The following MYBBP1A variants were observed in gnomAD, a reference collection of about 807,000 sequenced individuals.
MYBBP1A encodes MYB binding protein 1a.
A neutral mutation model predicts 136.3 loss-of-function variants in MYBBP1A; 147 were observed. That is an observed-to-expected ratio of 1.08 (90% CI 0.94 to 1.24). MYBBP1A has a LOEUF of 1.24. Ranked by LOEUF, MYBBP1A falls within the 50% of genes most tolerant of loss-of-function variation. The pLI is 0.00. For synonymous variants in MYBBP1A, 947 were observed against 735.8 expected, an observed-to-expected ratio of 1.29 and a Z score of -4.65; for missense variants, 2,060 against 1,727.4, an observed-to-expected ratio of 1.19 and a Z score of -3.41.
At chr17:4,551,835 C>A (rs201366087) in intron 8 of MYBBP1A, 45 bp downstream of exon 8, 4 of 1,562,540 alleles carry the variant, frequency 2.6e-6, no homozygotes, top group Admixed American at 1.7e-5. Flanking sequence ...GAGAGCTCCA[C>A]GTCTAGCCTT....
At position 4,554,239 on chromosome 17, in the gene MYBBP1A, G is replaced by A; in HGVS notation, c.334C>T (p.Leu112=). The A allele has an allele frequency of 1.9e-6, 3 of 1,614,060 alleles. No homozygotes were observed. Among genetic ancestry groups the A allele is most frequent in the Non-Finnish European group, 2.5e-6 (3 of 1,180,014 alleles). The change falls in exon 3 of 26, where the codon CTG becomes TTG. Residue 112 remains leucine, a synonymous_variant. Coordinates refer to ENST00000254718, the MANE Select transcript of MYBBP1A (RefSeq NM_014520.4). ...SFEDLPLCSI[L]QQIQEKYDLH... ...TCATATTTTTCTTGTATCTGCTGCA[G>A]GATGCTGCACAAGGGGAGGTCTTCA... is the stretch of plus-strand genomic sequence containing the variant.
chr17:4,549,340 C>G lies in MYBBP1A; in HGVS notation c.1422G>C (p.Gln474His), dbSNP rs756225014. 1.9e-6 allele frequency: 3 copies of G among 1,611,546 alleles called. No homozygotes were observed. In the African/African-American group the frequency reaches 4.0e-5, roughly 22 times the overall value. Residue 474 changes from glutamine to histidine, a missense_variant, in exon 10 of 26, where the codon CAG (glutamine) becomes CAC (histidine). Transcript: ENST00000254718. ...HLEMEEALTE[Q>H]VARFCLFHSF... ...TCCAGCACAGCTCGCACCTGGCCAC[C>G]TGCTCAGTCAAGGCCTCCTCCATCT...
In MYBBP1A at chr17:4,548,327, G is replaced by C. The variant is rs776502335; in HGVS notation, c.1557-17C>G. ...TGCAACAGACTGGGCAAGGGATGGG[G>C]CTTGGGGTCAGCAGACCAGATGAGT... On this transcript the variant is annotated splice_polypyrimidine_tract_variant and intron_variant, in intron 11 of 25. Coordinates refer to ENST00000254718, the MANE Select transcript of MYBBP1A (RefSeq NM_014520.4). This position sits in a 1 kb window ranked among gnomAD's most constrained non-coding sequence, Gnocchi z 4.2. The C allele has an allele frequency of 6.2e-7, 1 of 1,610,458 alleles. No homozygotes were observed. The highest frequency in any genetic ancestry group is 8.5e-7 in the Non-Finnish European group (1 of 1,179,242).
At chr17:4,541,753 G>T (rs750785997) in intron 23 of MYBBP1A, 31 bp downstream of exon 23, 1 of 1,572,488 alleles carries the variant, frequency 6.4e-7, no homozygotes, top group South Asian at 1.1e-5. Context: ...GATTCTGAGG[G>T]GGTGGGGAAA....
At chr17:4,547,405 T>C (rs1398408190) in intron 13 of MYBBP1A, among the ~76,000 whole-genome samples, 1 of 152,176 alleles carries the variant, frequency 6.6e-6, no homozygotes, top group Non-Finnish European at 1.5e-5. Context: ...CTCATCCACA[T>C]GCTGGGCTCA....
chr17:4,545,011 A>ACCCCCCCCCCCCCCCCCCCCCCCCC lies in MYBBP1A; in HGVS notation c.2310+14_2310+15insGGGGGGGGGGGGGGGGGGGGGGGGG. 1 of 178,516 alleles carries ACCCCCCCCCCCCCCCCCCCCCCCCC rather than the reference A, an allele frequency of 5.6e-6. No individual in the cohort carries two copies. The highest frequency in any genetic ancestry group is 8.1e-5 in the South Asian group (1 of 12,410). 11.1% of individuals were successfully genotyped at this position (178,516 alleles called of 1,614,324 possible). On this transcript the variant is annotated intron_variant, in intron 17 of 25. Coordinates refer to ENST00000254718, the MANE Select transcript of MYBBP1A (RefSeq NM_014520.4). ...GCCCTCCCCGGCCGCCCCCCCCTCC[A>ACCCCCCCCCCCCCCCCCCCCCCCCC]CCTCCCCCACTCACCAGCGCCTTCC...
chr17:4,543,607 G>A (rs935675636), intron 19 of MYBBP1A, among the ~76,000 whole-genome samples: 1 of 152,160 alleles, frequency 6.6e-6, no homozygotes, highest in Non-Finnish European at 1.5e-5. Context: ...CACGCTGGCA[G>A]AACTATCTGA....
rs780106349 is a variant in MYBBP1A, at chr17:4,554,286, G to C, written c.295-8C>G. On this transcript the variant is annotated splice_region_variant and splice_polypyrimidine_tract_variant and intron_variant, in intron 2 of 25. Transcript: ENST00000254718. Reference sequence around the variant, plus strand: ...TTCAAAAGACTGTAACAGCTGCCAGGAGTTGTGTGGCAGGAGGAAGAGGGT... The same window carrying C: ...TTCAAAAGACTGTAACAGCTGCCAGCAGTTGTGTGGCAGGAGGAAGAGGGT... 1 of 1,613,394 alleles carries C rather than the reference G, an allele frequency of 6.2e-7. No homozygotes were observed. Among genetic ancestry groups the C allele is most frequent in the Non-Finnish European group, 8.5e-7 (1 of 1,179,462 alleles).
In MYBBP1A at chr17:4,542,452, G is replaced by T. The variant is rs145992148; in HGVS notation, c.3087+12C>A. On this transcript the variant is annotated intron_variant, in intron 22 of 25. Transcript: ENST00000254718. Reference sequence around the variant, plus strand: ...AGACAGGCCCTGGGCTGGGAGCTGGGAAGTCTCTCACCTGATGACGGGGCC... The same window carrying T: ...AGACAGGCCCTGGGCTGGGAGCTGGTAAGTCTCTCACCTGATGACGGGGCC... 9.6e-5 allele frequency: 154 copies of T among 1,600,868 alleles called. No individual in the cohort carries two copies. In the African/African-American group the frequency reaches 1.9e-3, roughly 20 times the overall value.
At position 4,541,732 on chromosome 17, in the gene MYBBP1A, C is replaced by A. The variant is rs150365228; in HGVS notation, c.3195+52G>T. 1,090 of 1,540,270 alleles carry A rather than the reference C, an allele frequency of 7.1e-4. 6 individuals carry two copies. The African/African-American group carries it at 0.012, about 17-fold the overall frequency. On this transcript the variant is annotated intron_variant, in intron 23 of 25. Transcript: ENST00000254718. ...TCACTTCTTTCCCAGAGATCGGTCTCCCGGAGAACTGATTCTGAGGGGGTG... is the reference window on the plus strand; with the variant it reads ...TCACTTCTTTCCCAGAGATCGGTCTACCGGAGAACTGATTCTGAGGGGGTG...
Position 4,542,668 on chromosome 17 carries a change from C to A in MYBBP1A, c.2966G>T (p.Arg989Leu). Reference protein sequence around the residue: ...STALSSFLTKRNSPLTVPMFL... With the variant: ...STALSSFLTKLNSPLTVPMFL... ...CATGGGAACTGTGAGGGGGCTGTTG[C>A]GCTTGGTCAGGAAGGAGCTCAGTGC... Residue 989 changes from arginine to leucine, a missense_variant, in exon 21 of 26, where the codon CGC (arginine) becomes CTC (leucine). Coordinates refer to ENST00000254718, the MANE Select transcript of MYBBP1A (RefSeq NM_014520.4). 1.2e-6 allele frequency: 2 copies of A among 1,614,040 alleles called. No homozygotes were observed. The highest frequency in any genetic ancestry group is 2.2e-5 in the South Asian group (2 of 91,080).
At position 4,548,422 on chromosome 17, in the gene MYBBP1A, C is replaced by G. The variant is rs1010019147; in HGVS notation, c.1556+102G>C. ...GCCTCTCCAGGACCTACTAGAACTC[C>G]GGGGGCCTCTGCCGTTGTTCCCAGC... On this transcript the variant is annotated intron_variant, in intron 11 of 25. Transcript: ENST00000254718. The surrounding 1 kb of genome is among the most constrained non-coding windows in gnomAD (Gnocchi z 4.2). 2 of 1,605,970 alleles carry G rather than the reference C, an allele frequency of 1.2e-6. No individual in the cohort carries two copies. The highest frequency in any genetic ancestry group is 3.3e-5 in the Admixed American group (2 of 60,000).
chr17:4,554,299 G>A (rs1266335894), intron 2 of MYBBP1A, 21 bp from the exon 3 acceptor site: 2 of 1,609,746 alleles, frequency 1.2e-6, no homozygotes, highest in East Asian at 2.2e-5. Flanking sequence ...TTGTGTGGCA[G>A]GAGGAAGAGG....
At position 4,550,123 on chromosome 17, in the gene MYBBP1A, G is replaced by T. The variant is rs534032400; in HGVS notation, c.1254C>A (p.Asp418Glu). The change falls in exon 9 of 26, where the codon GAC becomes GAA. Residue 418 changes from aspartate (D) to glutamate (E), a missense_variant. Asp to Glu is a conservative substitution (Grantham distance 45). Coordinates refer to ENST00000254718, the MANE Select transcript of MYBBP1A (RefSeq NM_014520.4). ...AWLRAMFLQP[D>E]LDSLVDFSTN... ...TGCTGAAGTCAACCAAGGAGTCCAGGTCTGGCTGGAGAAACATGGCCCGCA... is the reference window on the plus strand; with the variant it reads ...TGCTGAAGTCAACCAAGGAGTCCAGTTCTGGCTGGAGAAACATGGCCCGCA... 6.2e-7 allele frequency: 1 copy of T among 1,614,068 alleles called. No individual in the cohort carries two copies. The highest frequency in any genetic ancestry group is 1.1e-5 in the South Asian group (1 of 91,088).
intron 13 of MYBBP1A, 103 bp from the exon 14 acceptor site, chr17:4,546,045 C>T (rs1906987561): frequency 5.6e-6 from 6 of 1,077,910 alleles, no homozygotes; most frequent in South Asian, 1.4e-5. Flanking sequence ...CAAGAAGCCT[C>T]CAACACCCAG....
rs188103414 is a variant in MYBBP1A at position 4,543,353 on chromosome 17, G to A, written c.2640-188C>T. ...CCTGGAAGCTGTGTGGGCTCAGAGTGCTGGGGTGACAGGGGCGCTCCAGGG... is the reference window on the plus strand; with the variant it reads ...CCTGGAAGCTGTGTGGGCTCAGAGTACTGGGGTGACAGGGGCGCTCCAGGG... On this transcript the variant is annotated intron_variant, in intron 19 of 25. Transcript: ENST00000254718. 4.7e-5 allele frequency: 36 copies of A among 773,778 alleles called. No individual in the cohort carries two copies. The East Asian group carries it at 9.0e-4, about 19-fold the overall frequency. 47.9% of individuals were successfully genotyped at this position (773,778 alleles called of 1,614,324 possible).
In MYBBP1A at chr17:4,553,579, C is replaced by T. The variant is rs543814988; in HGVS notation, c.561+231G>A. On this transcript the variant is annotated intron_variant, in intron 5 of 25. Coordinates refer to ENST00000254718, the MANE Select transcript of MYBBP1A (RefSeq NM_014520.4). Reference sequence around the variant, plus strand: ...TAAGATATCTCAACACTTTTTTATACCAATGCACACTGAAATAATATTTTA... The same window carrying T: ...TAAGATATCTCAACACTTTTTTATATCAATGCACACTGAAATAATATTTTA... Among the ~76,000 whole-genome samples the T allele has an allele frequency of 2.2e-4, 33 of 152,298 alleles. 1 individual carries two copies. The South Asian group carries it at 6.4e-3, about 30-fold the overall frequency.
chr17:4,540,359 G>A lies in MYBBP1A; in HGVS notation c.3423C>T (p.Thr1141=). 6.2e-7 allele frequency: 1 copy of A among 1,607,474 alleles called. No homozygotes were observed. The highest frequency in any genetic ancestry group is 1.1e-5 in the South Asian group (1 of 90,994). Residue 1141 remains threonine, a synonymous_variant, in exon 25 of 26, where the codon ACC becomes ACT. Coordinates refer to ENST00000254718, the MANE Select transcript of MYBBP1A (RefSeq NM_014520.4). Reference sequence around the variant, plus strand: ...CTCCCAGAACCTACTGGACTCCCAGGGTTTTCATGGCCTGCCAGTAGAGGT... The same window carrying A: ...CTCCCAGAACCTACTGGACTCCCAGAGTTTTCATGGCCTGCCAGTAGAGGT... ...LHDLYWQAMK[T]LGVQRPKLEK... is the part of the protein sequence containing the mutation.
At position 4,550,472 on chromosome 17, in the gene MYBBP1A, G is replaced by A. The variant is rs572667973; in HGVS notation, c.1024-119C>T. On this transcript the variant is annotated intron_variant, in intron 8 of 25. Coordinates refer to ENST00000254718, the MANE Select transcript of MYBBP1A (RefSeq NM_014520.4). ...ACAGCCCAACAGCCCGGGGGCAGGCGGGCAACAGCCCACCAGGCTTGTGCC... is the reference window on the plus strand; with the variant it reads ...ACAGCCCAACAGCCCGGGGGCAGGCAGGCAACAGCCCACCAGGCTTGTGCC... The A allele has an allele frequency of 1.7e-4, 200 of 1,143,196 alleles. 1 individual carries two copies. The highest frequency in any genetic ancestry group is 2.8e-4 in the African/African-American group (18 of 64,624). The allele number at this position is 1,143,196 out of a possible 1,614,324, so 70.8% of individuals were successfully genotyped here.
Sources: gnomAD v4.1 joint callset for allele counts (sites outside exome capture counted in the v4.1 genomes callset) on GRCh38, gnomAD v4.1.1 for gene constraint, Gnocchi (gnomAD v3.1) non-coding constraint, MANE v1.5 for transcripts, NCBI Gene and HGNC (gene_info 2026-07-23, HGNC 2026-07-21) for gene names.